SLCO5A1: variants seen among roughly 807,000 people sequenced by gnomAD.
SLCO5A1 encodes the protein solute carrier organic anion transporter family member 5A1.
In SLCO5A1, 39 loss-of-function variants were observed where a neutral mutation model predicts 65.1. The observed-to-expected ratio is 0.60, with a 90% CI of 0.46 to 0.78. The LOEUF is 0.78. SLCO5A1 is among the 30% of genes least tolerant of loss of function. SLCO5A1 has a pLI of 0.00. For synonymous variants in SLCO5A1, 438 were observed against 415.7 expected (o/e 1.05, Z -0.65); for missense variants, 1,029 against 1,069.4 (o/e 0.96, Z 0.53).
At chr8:69,706,714 T>TTTATTATAAACAGAAATAAATTTC (rs1213202983) in intron 5 of SLCO5A1, among the ~76,000 whole-genome samples, 1 of 152,212 alleles carries the variant, frequency 6.6e-6, no homozygotes, top group Non-Finnish European at 1.5e-5. Context: ...TAAATTTCTG[T>TTTATTATAAACAGAAATAAATTTC]TGTTTATAAT....
chr8:69,821,431 AAGGAGG>A (rs555133111), intron 2 of SLCO5A1, among the ~76,000 whole-genome samples: 6 of 151,488 alleles, frequency 4.0e-5, no homozygotes, highest in African/African-American at 2.4e-5. Context: ...GAAGAGGAAG[AAGGAGG>A]AGGAGGAGGA....
At chr8:69,724,699 G>A (rs1018788014) in intron 5 of SLCO5A1, among the ~76,000 whole-genome samples, 1 of 152,160 alleles carries the variant, frequency 6.6e-6, no homozygotes, top group African/African-American at 2.4e-5. Context: ...GGTATTTCCT[G>A]CCTTGTGTTA....
intron 2 of SLCO5A1, among the ~76,000 whole-genome samples, chr8:69,805,873 G>T (rs1422807925): frequency 6.6e-6 from 1 of 152,202 alleles, no homozygotes. Flanking sequence ...GAAGCAAAGC[G>T]TGGCAGATGA....
chr8:69,755,356 TG>T, intron 4 of SLCO5A1, 67 bp downstream of exon 4: 1 of 1,348,510 alleles, frequency 7.4e-7, no homozygotes, highest in South Asian at 1.2e-5. Flanking sequence ...AGCATGGGCC[TG>T]GGACCACACT....
At chr8:69,737,388 A>G (rs1816605601) in intron 5 of SLCO5A1, among the ~76,000 whole-genome samples, 1 of 152,198 alleles carries the variant, frequency 6.6e-6, no homozygotes, top group South Asian at 2.1e-4. Flanking sequence ...TATCACTAAG[A>G]AAATATCTAC....
In SLCO5A1 at chr8:69,755,531, A is replaced by G. The variant is rs776764470; in HGVS notation, c.1151T>C (p.Phe384Ser). Residue 384 changes from phenylalanine to serine, a missense_variant, in exon 4 of 10, where the codon TTT (phenylalanine) becomes TCT (serine). Physicochemically the swap from Phe to Ser is radical, Grantham distance 155. Around this residue, in one of 3 missense-constraint regions of SLCO5A1, gnomAD observed 647 missense variants for 647.5 expected, o/e 1.00. Coordinates refer to ENST00000260126, the MANE Select transcript of SLCO5A1 (RefSeq NM_030958.3). ...PRHKKKKKKK[F>S]SVDAVSDDDV... ...GTCATCACTAACAGCATCAACAGAA[A>G]ATTTTTTCTTTTTCTTTTTCTTGTG... The G allele has an allele frequency of 3.1e-6, 5 of 1,614,062 alleles. No homozygotes were observed. The Admixed American group carries it at 8.3e-5, about 27-fold the overall frequency.
intron 8 of SLCO5A1, among the ~76,000 whole-genome samples, chr8:69,677,008 C>A (rs946781031): frequency 6.6e-6 from 1 of 152,008 alleles, no homozygotes; most frequent in Non-Finnish European, 1.5e-5. Context: ...TATAGAATTT[C>A]ATCTTAAATA....
intron 4 of SLCO5A1, among the ~76,000 whole-genome samples, chr8:69,746,386 T>A (rs1817029669): frequency 6.6e-6 from 1 of 150,988 alleles, no homozygotes; most frequent in African/African-American, 2.4e-5. Context: ...GAGAGAAGAG[T>A]GATCGAACAA....
At chr8:69,747,423 GA>G (rs919492739) in intron 4 of SLCO5A1, among the ~76,000 whole-genome samples, 18 of 146,802 alleles carry the variant, frequency 1.2e-4, no homozygotes, top group Middle Eastern at 3.5e-3. Flanking sequence ...AAAATACTCA[GA>G]AAAAAAAAAT....
At chr8:69,785,438 G>T (rs1345515153) in intron 2 of SLCO5A1, among the ~76,000 whole-genome samples, 1 of 152,144 alleles carries the variant, frequency 6.6e-6, no homozygotes, top group East Asian at 1.9e-4. Context: ...GTTATTCTAT[G>T]ATAAATGCCT....
At chr8:69,785,480 A>G (rs1819012202) in intron 2 of SLCO5A1, among the ~76,000 whole-genome samples, 1 of 152,222 alleles carries the variant, frequency 6.6e-6, no homozygotes, top group Non-Finnish European at 1.5e-5. Context: ...AGACTTCAGG[A>G]GACAGAAAAG....
chr8:69,801,667 A>G (rs1819742847), intron 2 of SLCO5A1, among the ~76,000 whole-genome samples: 1 of 152,142 alleles, frequency 6.6e-6, no homozygotes, highest in Non-Finnish European at 1.5e-5. Context: ...AATAACCTAG[A>G]TGATGGTATT....
chr8:69,683,964 G>A (rs1201038912), intron 6 of SLCO5A1, among the ~76,000 whole-genome samples: 3 of 152,108 alleles, frequency 2.0e-5, no homozygotes, highest in Admixed American at 1.3e-4. Flanking sequence ...TTTCTCCTGT[G>A]GCCTCTTTCA....
intron 2 of SLCO5A1, among the ~76,000 whole-genome samples, chr8:69,814,925 C>T (rs979548870): frequency 2.6e-5 from 4 of 152,136 alleles, no homozygotes; most frequent in Admixed American, 2.6e-4. Context: ...CACATATTCT[C>T]ACTTATGAAA....
intron 2 of SLCO5A1, among the ~76,000 whole-genome samples, chr8:69,788,233 T>C (rs1009932924): frequency 6.6e-6 from 1 of 152,174 alleles, no homozygotes; most frequent in Admixed American, 6.5e-5. Flanking sequence ...TGAAGTATGC[T>C]CATCCCATAA....
At chr8:69,815,647 AAC>A (rs55665513) in intron 2 of SLCO5A1, among the ~76,000 whole-genome samples, 16,182 of 141,068 alleles carry the variant, frequency 0.11, 874 homozygotes, top group African/African-American at 0.13. Context: ...GTAAAATATC[AAC>A]ACACACACAC....
intron 2 of SLCO5A1, among the ~76,000 whole-genome samples, chr8:69,765,217 T>C (rs538382686): frequency 7.6e-4 from 115 of 151,800 alleles, no homozygotes; most frequent in African/African-American, 2.4e-3. Flanking sequence ...CATATATATA[T>C]ACACACACAC....
At position 69,672,950 on chromosome 8, in the gene SLCO5A1, C is replaced by T; in HGVS notation, c.2466G>A (p.Pro822=). 1.2e-6 allele frequency: 2 copies of T among 1,614,190 alleles called. No homozygotes were observed. The highest frequency in any genetic ancestry group is 1.7e-6 in the Non-Finnish European group (2 of 1,180,030). ...KGIQCAAQTY[P]GPFPEAISSS... Reference sequence around the variant, plus strand: ...AACTTATTGCTTCTGGGAAGGGCCCCGGGTAGGTCTGTGCTGCGCACTGGA... The same window carrying T: ...AACTTATTGCTTCTGGGAAGGGCCCTGGGTAGGTCTGTGCTGCGCACTGGA... The change falls in exon 10 of 10, where the codon CCG becomes CCA. Residue 822 remains proline, a synonymous_variant. Transcript: ENST00000260126.
chr8:69,682,372 C>A (rs1225954453), intron 6 of SLCO5A1, 29 bp from the exon 7 acceptor site: 1 of 1,491,068 alleles, frequency 6.7e-7, no homozygotes, highest in Middle Eastern at 1.8e-4. Context: ...AGATCATGAG[C>A]AACACTTACC....
Sources: gnomAD v4.1 joint callset for allele counts (sites outside exome capture counted in the v4.1 genomes callset) on GRCh38, gnomAD v4.1.1 for gene constraint, gnomAD v4.1.1 regional missense constraint, MANE v1.5 for transcripts, NCBI Gene and HGNC (gene_info 2026-07-23, HGNC 2026-07-21) for gene names.